The following TNIK variants were observed in gnomAD, a reference collection of about 807,000 sequenced individuals.
The protein encoded by TNIK is TRAF2 and NCK interacting kinase, also known as TRAF2 and NCK-interacting protein kinase.
TNIK carries 49 observed loss-of-function variants against 191.3 expected under a neutral mutation model. That is an observed-to-expected ratio of 0.26 (90% CI 0.20 to 0.32). The LOEUF (loss-of-function observed/expected upper bound fraction) is 0.32. Ranked by LOEUF, TNIK falls within the 10% of genes least tolerant of loss-of-function variation. The pLI is 1.00. For missense variants in TNIK, 1,155 were observed against 1,702.3 expected, an observed-to-expected ratio of 0.68 and a Z score of 5.66; for synonymous variants, 594 against 600.9, an observed-to-expected ratio of 0.99 and a Z score of 0.17.
chr3:171,155,847 A>G (rs755101311), intron 12 of TNIK, among the ~76,000 whole-genome samples: 7 of 152,258 alleles, frequency 4.6e-5, no homozygotes, highest in Non-Finnish European at 1.0e-4. Context: ...GTGGAGACAC[A>G]GAACACATGC....
chr3:171,252,532 G>T (rs908333442), intron 2 of TNIK, among the ~76,000 whole-genome samples: 2 of 152,118 alleles, frequency 1.3e-5, no homozygotes, highest in African/African-American at 4.8e-5. Flanking sequence ...TTCAAGGTGG[G>T]TAACATGCAT....
At chr3:171,348,211 T>G (rs1371960869) in intron 2 of TNIK, among the ~76,000 whole-genome samples, 1 of 152,196 alleles carries the variant, frequency 6.6e-6, no homozygotes, top group Non-Finnish European at 1.5e-5. Context: ...AAGTACTCCC[T>G]GGGGCACTCA....
intron 12 of TNIK, among the ~76,000 whole-genome samples, chr3:171,150,182 A>G (rs1475348047): frequency 6.6e-6 from 1 of 152,238 alleles, no homozygotes; most frequent in Non-Finnish European, 1.5e-5. Context: ...ATAACAAAGC[A>G]GGTAATGAGA....
intron 2 of TNIK, among the ~76,000 whole-genome samples, chr3:171,359,087 A>G (rs1431381892): frequency 6.6e-6 from 1 of 152,166 alleles, no homozygotes; most frequent in Non-Finnish European, 1.5e-5. Flanking sequence ...GCTGAATTGT[A>G]TGCTCACTTA....
chr3:171,169,252 A>G (rs532940697), intron 9 of TNIK, among the ~76,000 whole-genome samples: 1 of 152,062 alleles, frequency 6.6e-6, no homozygotes, highest in Non-Finnish European at 1.5e-5. Flanking sequence ...ACTAGAAGGA[A>G]GTGCTTATTT....
intron 2 of TNIK, among the ~76,000 whole-genome samples, chr3:171,308,997 C>T (rs962879950): frequency 3.3e-5 from 5 of 152,122 alleles, no homozygotes; most frequent in African/African-American, 1.2e-4. Flanking sequence ...GGTGATTTCT[C>T]AAAGCACTTA....
In TNIK at chr3:171,087,576, A is replaced by T. The variant is rs975994403; in HGVS notation, c.2722-70T>A. The stretch of plus-strand genomic sequence containing the variant: ...AGGCCACAGAGTGACATCAGCCCTC[A>T]CACAGCATAGGCATACGGGGCTCCA... On this transcript the variant is annotated intron_variant, in intron 23 of 32. Transcript: ENST00000436636. 3.2e-6 allele frequency: 5 copies of T among 1,564,132 alleles called. No individual in the cohort carries two copies. The African/African-American group carries it at 6.7e-5, about 21-fold the overall frequency.
intron 1 of TNIK, among the ~76,000 whole-genome samples, chr3:171,384,148 T>C (rs574962578): frequency 6.6e-6 from 1 of 152,352 alleles, no homozygotes; most frequent in African/African-American, 2.4e-5. Flanking sequence ...ATTCAAATCA[T>C]AGTTCCTACC....
intron 1 of TNIK, among the ~76,000 whole-genome samples, chr3:171,378,592 A>G (rs1160387127): frequency 6.6e-6 from 1 of 152,198 alleles, no homozygotes; most frequent in Non-Finnish European, 1.5e-5. Context: ...TATCTCCAAT[A>G]CCTCGATCAT....
intron 1 of TNIK, among the ~76,000 whole-genome samples, chr3:171,391,274 C>T (rs887430295): frequency 2.6e-5 from 4 of 152,070 alleles, no homozygotes; most frequent in Admixed American, 6.5e-5. Context: ...GTGTTTGTAC[C>T]GAAGGGGATC....
At chr3:171,360,895 T>C (rs28666604) in intron 2 of TNIK, among the ~76,000 whole-genome samples, 3,713 of 152,330 alleles carry the variant, frequency 0.024, 133 homozygotes, top group African/African-American at 0.081. Flanking sequence ...TCTATTTTCA[T>C]GTCTCTCCAC....
At chr3:171,202,532 C>T (rs1237695459) in intron 4 of TNIK, among the ~76,000 whole-genome samples, 4 of 152,068 alleles carry the variant, frequency 2.6e-5, no homozygotes, top group Admixed American at 2.6e-4. Context: ...TTGTATGGAC[C>T]ATTAGCAAAA....
At chr3:171,442,836 T>C (rs1442742683) in intron 1 of TNIK, among the ~76,000 whole-genome samples, 1 of 152,078 alleles carries the variant, frequency 6.6e-6, no homozygotes, top group East Asian at 1.9e-4. Flanking sequence ...CTCTTCCCTT[T>C]CCCCCTCCCC....
At chr3:171,152,771 TTTTTG>T (rs1732622544) in intron 12 of TNIK, among the ~76,000 whole-genome samples, 1 of 66,210 alleles carries the variant, frequency 1.5e-5, no homozygotes, top group Non-Finnish European at 2.5e-5. Flanking sequence ...TGTTTTTTGT[TTTTTG>T]TTTTTTTTTT....
intron 3 of TNIK, among the ~76,000 whole-genome samples, chr3:171,212,415 G>A (rs912795188): frequency 6.6e-6 from 1 of 152,080 alleles, no homozygotes; most frequent in Non-Finnish European, 1.5e-5. Flanking sequence ...CATACCTGCT[G>A]TATTTGTTGA....
intron 2 of TNIK, among the ~76,000 whole-genome samples, chr3:171,312,154 C>A (rs1754109872): frequency 8.4e-6 from 1 of 118,996 alleles, no homozygotes; most frequent in Admixed American, 9.3e-5. Flanking sequence ...GCTAGACTGG[C>A]ATATCTGATT....
intron 2 of TNIK, among the ~76,000 whole-genome samples, chr3:171,327,900 TAAAAAAAAAAAAAA>T (rs71634497): frequency 1.5e-4 from 12 of 79,632 alleles, no homozygotes; most frequent in East Asian, 1.1e-3. Context: ...ACCTGGCTCA[TAAAAAAAAAAAAAA>T]AAAAAAAAAA....
At chr3:171,372,329 G>A (rs911705812) in intron 1 of TNIK, among the ~76,000 whole-genome samples, 5 of 152,192 alleles carry the variant, frequency 3.3e-5, no homozygotes, top group Admixed American at 3.3e-4. Context: ...ACTGGCAACT[G>A]GCCTTGCATA....
intron 2 of TNIK, among the ~76,000 whole-genome samples, chr3:171,365,748 TAC>T (rs1462822797): frequency 3.3e-5 from 5 of 152,122 alleles, no homozygotes; most frequent in Non-Finnish European, 7.3e-5. Context: ...GCTGGAAATA[TAC>T]ACACTCACAG....
Sources: gnomAD v4.1 joint callset for allele counts (sites outside exome capture counted in the v4.1 genomes callset) on GRCh38, gnomAD v4.1.1 for gene constraint, MANE v1.5 for transcripts, NCBI Gene and HGNC (gene_info 2026-07-23, HGNC 2026-07-21) for gene names.